The following CLIP2 variants were observed in gnomAD, a reference collection of about 807,000 sequenced individuals.
CLIP2 encodes CAP-Gly domain containing linker protein 2.
A neutral mutation model predicts 111.7 loss-of-function variants in CLIP2; 41 were observed. The ratio of observed to expected loss-of-function variants is 0.37; its 90% CI spans 0.29 to 0.48. The LOEUF is 0.48. CLIP2 is among the 20% of genes least tolerant of loss of function. The pLI, the probability that CLIP2 is intolerant of heterozygous loss-of-function variation, is 0.99. For missense variants in CLIP2, 1,160 were observed against 1,422.1 expected (o/e 0.82, Z 2.96); for synonymous variants, 660 against 644.2 (o/e 1.02, Z -0.37).
chr7:74,400,596 G>C (rs782510917), intron 15 of CLIP2, 41 bp downstream of exon 15: 69 of 1,489,906 alleles, frequency 4.6e-5, no homozygotes, highest in Non-Finnish European at 2.1e-5. Flanking sequence ...GGCAAGCCAC[G>C]GGGCAGTGTC....
intron 3 of CLIP2, among the ~76,000 whole-genome samples, chr7:74,350,306 C>T (rs1789946396): frequency 6.6e-6 from 1 of 152,124 alleles, no homozygotes; most frequent in African/African-American, 2.4e-5. Flanking sequence ...CCCACCTTGG[C>T]CTCCCAAAGT....
rs1554316787 is a variant in CLIP2, at chr7:74,397,132, G to C, written c.2779G>C (p.Glu927Gln). 1 of 1,613,938 alleles carries C rather than the reference G, an allele frequency of 6.2e-7. No homozygotes were observed. The highest frequency in any genetic ancestry group is 8.5e-7 in the Non-Finnish European group (1 of 1,179,980). ...GGCCAATCGTCACTCCCCAGGGCCG[G>C]AGAGGGACCTGAGCCGTGAGGTACA... is the stretch of plus-strand genomic sequence containing the variant. ...LEANRHSPGP[E>Q]RDLSREVHKA... The change falls in exon 14 of 17, where the codon GAG (glutamate) becomes CAG (glutamine). Residue 927 changes from glutamate to glutamine, a missense_variant. Physicochemically the swap from Glu to Gln is conservative, Grantham distance 29 (BLOSUM62 2). Around this residue, in one of 5 missense-constraint regions of CLIP2, gnomAD observed 676 missense variants for 777.8 expected, o/e 0.87. Coordinates refer to ENST00000223398, the MANE Select transcript of CLIP2 (RefSeq NM_003388.5).
At chr7:74,395,661 C>A (rs570366754) in intron 13 of CLIP2, among the ~76,000 whole-genome samples, 1 of 152,310 alleles carries the variant, frequency 6.6e-6, no homozygotes, top group South Asian at 2.1e-4. Context: ...ATTGTCACCT[C>A]TTCCTTGAAG....
intron 3 of CLIP2, among the ~76,000 whole-genome samples, chr7:74,339,206 G>A (rs1363894243): frequency 1.3e-5 from 2 of 152,326 alleles, no homozygotes; most frequent in South Asian, 4.1e-4. Flanking sequence ...TCTGGAGACT[G>A]TTGCTGTGTG....
chr7:74,383,136 G>A (rs932499812), intron 11 of CLIP2, among the ~76,000 whole-genome samples: 7 of 151,316 alleles, frequency 4.6e-5, no homozygotes, highest in Non-Finnish European at 1.5e-5. Flanking sequence ...TGTATCCAGT[G>A]GTTTCTTCTG....
chr7:74,332,657 C>G (rs1554731509), intron 2 of CLIP2, among the ~76,000 whole-genome samples: 1 of 152,036 alleles, frequency 6.6e-6, no homozygotes, highest in Non-Finnish European at 1.5e-5. Flanking sequence ...GTGAGGGAGC[C>G]AGCTCTGTAA....
rs1554729288 is a variant in CLIP2 at position 74,317,574 on chromosome 7, C to T, written c.28C>T (p.Pro10Ser). The change falls in exon 2 of 17, where the codon CCC becomes TCC. Residue 10 changes from proline to serine, a missense_variant. Pro to Ser is a moderately conservative substitution (Grantham distance 74, BLOSUM62 -1). Transcript: ENST00000223398. ...GCAGAAGCCCAGCGGCCTGAAGCCC[C>T]CCGGCCGTGGGGGGAAGCACTCCAG... MQKPSGLKP[P>S]GRGGKHSSPM... The T allele has an allele frequency of 1.3e-6, 2 of 1,486,032 alleles. No individual in the cohort carries two copies. The highest frequency in any genetic ancestry group is 2.2e-5 in the Admixed American group (1 of 44,920). The allele number at this position is 1,486,032 out of a possible 1,614,324, so 92.1% of individuals were successfully genotyped here.
intron 8 of CLIP2, among the ~76,000 whole-genome samples, chr7:74,370,876 A>G (rs1189467092): frequency 6.6e-6 from 1 of 151,952 alleles, no homozygotes; most frequent in Non-Finnish European, 1.5e-5. Context: ...TGCTCTGTTC[A>G]TAGTGCAAAT....
At position 74,299,669 on chromosome 7, in the gene CLIP2, C is replaced by T. The variant is rs931577159; in HGVS notation, c.-68+9935C>T. On this transcript the variant is annotated intron_variant, in intron 1 of 16. Coordinates refer to ENST00000223398, the MANE Select transcript of CLIP2 (RefSeq NM_003388.5). ...AGGAGAAGGTGTGGGAGTGAGAGCACCCTGGGGTGCTGACTCGAGGCCCTT... is the reference window on the plus strand; with the variant it reads ...AGGAGAAGGTGTGGGAGTGAGAGCATCCTGGGGTGCTGACTCGAGGCCCTT... Among the ~76,000 whole-genome samples, 17 of 152,088 alleles carry T rather than the reference C, an allele frequency of 1.1e-4. 1 individual carries two copies. Among genetic ancestry groups the T allele is most frequent in the Admixed American group, 1.0e-3 (16 of 15,264 alleles).
intron 1 of CLIP2, among the ~76,000 whole-genome samples, chr7:74,298,798 C>A (rs1218419499): frequency 1.3e-5 from 2 of 152,044 alleles, no homozygotes; most frequent in Admixed American, 1.3e-4. Flanking sequence ...CTCGGCCTCC[C>A]AAAGTGCTGG....
intron 3 of CLIP2, among the ~76,000 whole-genome samples, chr7:74,352,116 G>T (rs1790021367): frequency 6.6e-6 from 1 of 152,112 alleles, no homozygotes; most frequent in African/African-American, 2.4e-5. Flanking sequence ...AAGAGTTGGG[G>T]TTGAATTAGT....
At chr7:74,362,075 G>T (rs1554309880) in intron 7 of CLIP2, among the ~76,000 whole-genome samples, 1 of 151,590 alleles carries the variant, frequency 6.6e-6, no homozygotes, top group African/African-American at 2.4e-5. Flanking sequence ...CAGTACAGCT[G>T]GGTAACAGAG....
Position 74,354,015 on chromosome 7 carries a change from C to A in CLIP2, c.803+11C>A, listed in dbSNP as rs782580563. 1.9e-6 allele frequency: 3 copies of A among 1,606,156 alleles called. No homozygotes were observed. The Admixed American group carries it at 5.0e-5, about 27-fold the overall frequency. ...GGTGGCGGGCACCAGGTATGGTGGG[C>A]TTCTTCTGGGGAGTATGGGAGGGGG... On this transcript the variant is annotated intron_variant, in intron 4 of 16. Transcript: ENST00000223398.
intron 2 of CLIP2, among the ~76,000 whole-genome samples, chr7:74,332,461 T>TTTTTTG (rs1789318527): frequency 4.7e-5 from 1 of 21,152 alleles, no homozygotes. Context: ...TAGAATTCTC[T>TTTTTTG]TTTTTTTTTT....
chr7:74,292,743 C>T (rs910209909), intron 1 of CLIP2, among the ~76,000 whole-genome samples: 1 of 152,100 alleles, frequency 6.6e-6, no homozygotes, highest in Non-Finnish European at 1.5e-5. Flanking sequence ...AATAAGGTTG[C>T]CTACATTTTA....
chr7:74,364,368 T>C, intron 8 of CLIP2, 53 bp downstream of exon 8: 9 of 1,516,446 alleles, frequency 5.9e-6, no homozygotes, highest in Middle Eastern at 1.7e-4. Flanking sequence ...TGCCTGGCCC[T>C]TGCTAGGGCA....
intron 2 of CLIP2, among the ~76,000 whole-genome samples, chr7:74,319,779 C>A (rs1183885383): frequency 6.6e-6 from 1 of 151,256 alleles, no homozygotes; most frequent in African/African-American, 2.4e-5. Flanking sequence ...CATGATCACA[C>A]CGCTGCACTC....
intron 3 of CLIP2, among the ~76,000 whole-genome samples, chr7:74,350,114 C>T (rs567697756): frequency 3.9e-5 from 6 of 152,052 alleles, no homozygotes; most frequent in Admixed American, 2.0e-4. Context: ...AGTGCAGTGG[C>T]GCAATCTCAG....
At chr7:74,381,023 G>T (rs1790930578) in intron 11 of CLIP2, 160 bp downstream of exon 11, 3 of 631,638 alleles carry the variant, frequency 4.7e-6, no homozygotes, top group Non-Finnish European at 8.6e-6. Context: ...GAGGAGGCCA[G>T]TTTACGGAGG....
Sources: allele counts gnomAD v4.1 joint callset (sites outside exome capture counted in the v4.1 genomes callset), GRCh38; gene constraint gnomAD v4.1.1; regional missense constraint gnomAD v4.1.1; transcripts MANE v1.5; gene names NCBI Gene and HGNC (gene_info 2026-07-23, HGNC 2026-07-21).